RGS12: variants seen among roughly 807,000 people sequenced by gnomAD.
RGS12 encodes the protein regulator of G-protein signaling 12.
In RGS12, 66 loss-of-function variants were observed where a neutral mutation model predicts 120.1. That is an observed-to-expected ratio of 0.55 (90% CI 0.45 to 0.67). RGS12 has a LOEUF of 0.67. RGS12 is among the 30% of genes least tolerant of loss of function. The pLI is 0.00. For missense variants in RGS12, 1,859 were observed against 1,957.7 expected (o/e 0.95, Z 0.95); for synonymous variants, 827 against 804.7 (o/e 1.03, Z -0.47).
intron 4 of RGS12, among the ~76,000 whole-genome samples, chr4:3,411,454 C>G (rs1721724168): frequency 6.6e-6 from 1 of 152,124 alleles, no homozygotes; most frequent in Non-Finnish European, 1.5e-5. Context: ...TCGTGTTAGG[C>G]TGGCCTGCTC....
chr4:3,436,025 C>T (rs560064354), intron 17 of RGS12, among the ~76,000 whole-genome samples: 1 of 152,244 alleles, frequency 6.6e-6, no homozygotes, highest in Admixed American at 6.5e-5. Flanking sequence ...CTGTCCACTC[C>T]CTCGCCAATG....
intron 17 of RGS12, among the ~76,000 whole-genome samples, chr4:3,437,988 G>A (rs550823035): frequency 2.1e-4 from 32 of 152,326 alleles, no homozygotes; most frequent in African/African-American, 6.7e-4. Context: ...CCACGGAGCC[G>A]CTGGGGCAGC....
At position 3,317,912 on chromosome 4, in the gene RGS12, C is replaced by G. The variant is rs1724904144; in HGVS notation, c.1742C>G (p.Ala581Gly). Residue 581 changes from alanine to glycine, a missense_variant, in exon 2 of 18, where the codon GCA (alanine) becomes GGA (glycine). Transcript: ENST00000336727. ...TLPPPMSKIPADRYRVEGSFA... is the reference protein window; with the variant it reads ...TLPPPMSKIPGDRYRVEGSFA... ...CCCCCTCCTATGAGCAAGATCCCCG[C>G]AGACCGCTACAGGGTGGAGGGCAGC... 6.2e-7 allele frequency: 1 copy of G among 1,614,036 alleles called. No individual in the cohort carries two copies. Among genetic ancestry groups the G allele is most frequent in the African/African-American group, 1.3e-5 (1 of 74,954 alleles).
intron 13 of RGS12, chr4:3,423,957 T>C (rs1723326999): frequency 3.6e-6 from 1 of 278,128 alleles, no homozygotes; most frequent in East Asian, 8.1e-5. Flanking sequence ...GCCAATGTGA[T>C]CAGATAAGAG....
At chr4:3,399,093 A>G (rs1720334056) in intron 4 of RGS12, among the ~76,000 whole-genome samples, 1 of 152,228 alleles carries the variant, frequency 6.6e-6, no homozygotes, top group South Asian at 2.1e-4. Flanking sequence ...AGAACCATTT[A>G]TGGTTCTATA....
At chr4:3,292,688 C>T (rs1560631170), upstream of RGS12, among the ~76,000 whole-genome samples, 1 of 152,230 alleles carries the variant, frequency 6.6e-6, no homozygotes, top group Non-Finnish European at 1.5e-5. Context: ...GCAGAGAAAA[C>T]CAGCTTGCGG....
intron 1 of RGS12, among the ~76,000 whole-genome samples, chr4:3,293,607 G>T (rs1366519114): frequency 6.6e-6 from 1 of 152,244 alleles, no homozygotes; most frequent in Admixed American, 6.5e-5. Flanking sequence ...GCGGTGCCGC[G>T]ATTGTGCAGT....
chr4:3,422,257 G>A (rs959863249), intron 10 of RGS12, 119 bp from the exon 11 acceptor site: 14 of 949,326 alleles, frequency 1.5e-5, no homozygotes, highest in Middle Eastern at 5.0e-4. Flanking sequence ...AGGTGGGACC[G>A]TGGCAGGGCG....
rs1410127757 is a variant in RGS12 at position 3,433,771 on chromosome 4, CGTCT to C, written c.4114+2821_4114+2824del. Among the ~76,000 whole-genome samples, 1 of 152,228 alleles carries C rather than the reference CGTCT, an allele frequency of 6.6e-6. No individual in the cohort carries two copies. Among genetic ancestry groups the C allele is most frequent in the Non-Finnish European group, 1.5e-5 (1 of 68,044 alleles). On this transcript the variant is annotated intron_variant, in intron 17 of 17. Coordinates refer to ENST00000336727, the MANE Select transcript of RGS12 (RefSeq NM_001394154.1). The surrounding 1 kb of genome is among the most constrained non-coding windows in gnomAD (Gnocchi z 4.4). ...CCACACGCCACGCGGCACTCCACCCCGTCTGTCTAGCCCCAGCACCACGCACCGA... is the reference window on the plus strand; with the variant it reads ...CCACACGCCACGCGGCACTCCACCCCGTCTAGCCCCAGCACCACGCACCGA...
intron 1 of RGS12, among the ~76,000 whole-genome samples, chr4:3,295,512 TA>T (rs1723330842): frequency 6.6e-6 from 1 of 151,114 alleles, no homozygotes; most frequent in South Asian, 2.1e-4. Context: ...AATACAAAAT[TA>T]TTCGGGTGTG....
intron 1 of RGS12, among the ~76,000 whole-genome samples, chr4:3,302,481 T>C (rs1487811032): frequency 6.6e-6 from 1 of 152,228 alleles, no homozygotes; most frequent in African/African-American, 2.4e-5. Flanking sequence ...TTGTGTGGCC[T>C]TCAAAACCAC....
At chr4:3,354,413 C>G (rs962982482) in intron 3 of RGS12, among the ~76,000 whole-genome samples, 2 of 152,198 alleles carry the variant, frequency 1.3e-5, no homozygotes, top group African/African-American at 2.4e-5. Flanking sequence ...TGATGACTCT[C>G]TCTCCCAAAT....
chr4:3,326,318 G>T (rs1242301982), intron 2 of RGS12, among the ~76,000 whole-genome samples: 2 of 152,126 alleles, frequency 1.3e-5, no homozygotes, highest in Non-Finnish European at 2.9e-5. Flanking sequence ...GCTATCCTAG[G>T]TCACTGTAAC....
At chr4:3,420,555 T>C in intron 9 of RGS12, 87 bp from the exon 10 acceptor site, 5 of 1,384,512 alleles carry the variant, frequency 3.6e-6, no homozygotes, top group Non-Finnish European at 4.1e-6. Flanking sequence ...GTCTGTCTGC[T>C]CAGCCTAAAG....
intron 1 of RGS12, among the ~76,000 whole-genome samples, chr4:3,309,775 G>C: frequency 6.9e-6 from 1 of 144,350 alleles, no homozygotes; most frequent in South Asian, 2.3e-4. Context: ...ACTCGGGAAT[G>C]GCAGGTGTCT....
intron 1 of RGS12, among the ~76,000 whole-genome samples, chr4:3,303,182 A>C (rs950253023): frequency 7.9e-5 from 12 of 152,180 alleles, no homozygotes; most frequent in African/African-American, 2.9e-4. Flanking sequence ...GTGCTTGGGC[A>C]GGGATTAGGA....
chr4:3,376,623 A>G (rs1185202680), intron 3 of RGS12, among the ~76,000 whole-genome samples: 2 of 152,230 alleles, frequency 1.3e-5, no homozygotes, highest in African/African-American at 2.4e-5. Flanking sequence ...GACATGCTGC[A>G]TGCTTCCCTT....
At chr4:3,379,460 A>G (rs1718045149) in intron 3 of RGS12, among the ~76,000 whole-genome samples, 1 of 152,228 alleles carries the variant, frequency 6.6e-6, no homozygotes, top group Admixed American at 6.5e-5. Context: ...ATTACAGTGT[A>G]TACATATATT....
rs772206057 is a variant in RGS12, at chr4:3,416,120, A to G, written c.2426A>G (p.Gln809Arg). ...HPDMFKEQQL[Q>R]IFNLMKFDSY... ...GACATGTTCAAGGAGCAGCAGCTGC[A>G]GGTAACCGCAGGCTGTGGGAGCTTG... The change falls in exon 7 of 18, where the codon CAG becomes CGG. Residue 809 changes from glutamine to arginine, a missense_variant and splice_region_variant. This residue lies in a region of RGS12 where 375 missense variants were observed against 475.0 expected (regional missense o/e 0.79). Transcript: ENST00000336727. The G allele has an allele frequency of 3.1e-6, 5 of 1,613,958 alleles. No individual in the cohort carries two copies. Among genetic ancestry groups the G allele is most frequent in the Non-Finnish European group, 3.4e-6 (4 of 1,179,954 alleles).
Sources: gnomAD v4.1 joint callset for allele counts (sites outside exome capture counted in the v4.1 genomes callset) on GRCh38, gnomAD v4.1.1 for gene constraint, gnomAD v4.1.1 regional missense constraint, Gnocchi (gnomAD v3.1) non-coding constraint, MANE v1.5 for transcripts, NCBI Gene and HGNC (gene_info 2026-07-23, HGNC 2026-07-21) for gene names.